The following THSD4 variants were observed in gnomAD, a reference collection of about 807,000 sequenced individuals.
THSD4 encodes the protein thrombospondin type 1 domain containing 4.
A neutral mutation model predicts 119.0 loss-of-function variants in THSD4; 69 were observed. The ratio of observed to expected loss-of-function variants is 0.58; its 90% confidence interval spans 0.48 to 0.71. The LOEUF (loss-of-function observed/expected upper bound fraction) is 0.71, where lower values mean the gene tolerates loss of function less well. Ranked by LOEUF, THSD4 falls within the 30% of genes least tolerant of loss-of-function variation. The probability of loss-of-function intolerance (pLI) is 0.00; values close to 1 mark genes in which losing one functional copy is unlikely to be tolerated. For synonymous variants in THSD4, 524 were observed against 540.4 expected (o/e 0.97, Z 0.42); for missense variants, 1,393 against 1,391.1 (o/e 1.00, Z -0.02).
intron 7 of THSD4, among the ~76,000 whole-genome samples, chr15:71,497,919 C>T (rs1449914289): frequency 6.6e-6 from 1 of 152,156 alleles, no homozygotes; most frequent in African/African-American, 2.4e-5. Flanking sequence ...ATATCATTTA[C>T]AGATAGAATG....
At chr15:71,436,296 A>G (rs1431369364) in intron 7 of THSD4, among the ~76,000 whole-genome samples, 1 of 152,220 alleles carries the variant, frequency 6.6e-6, no homozygotes, top group Non-Finnish European at 1.5e-5. Flanking sequence ...GACAAAGACG[A>G]AGGAAAAAAC....
chr15:71,508,386 T>A (rs2048225307), intron 7 of THSD4, among the ~76,000 whole-genome samples: 1 of 152,216 alleles, frequency 6.6e-6, no homozygotes, highest in Non-Finnish European at 1.5e-5. Context: ...AGTCATTAAA[T>A]GCAGAGGACT....
chr15:71,098,033 A>T (rs1385138806), intron 1 of THSD4, among the ~76,000 whole-genome samples: 1 of 151,998 alleles, frequency 6.6e-6, no homozygotes, highest in Admixed American at 6.6e-5. Flanking sequence ...CCAGACCCAC[A>T]ATAGGACACA....
intron 8 of THSD4, among the ~76,000 whole-genome samples, chr15:71,677,062 C>T (rs983751675): frequency 3.9e-5 from 6 of 152,296 alleles, no homozygotes; most frequent in Middle Eastern, 3.4e-3. Context: ...TTTTATCTTC[C>T]AACCAGAGTT....
chr15:71,250,190 G>T lies in THSD4; in HGVS notation c.913-6423G>T, dbSNP rs983390423. Among the ~76,000 whole-genome samples the T allele has an allele frequency of 2.6e-5, 4 of 152,146 alleles. 1 individual carries two copies. The highest frequency in any genetic ancestry group is 1.5e-5 in the Non-Finnish European group (1 of 68,034). ...TTACTGTCAACACCTCACACATGGA[G>T]CGCTGCAATGAATATTTGCCTTTGA... is the stretch of plus-strand genomic sequence containing the variant. On this transcript the variant is annotated intron_variant, in intron 5 of 17. Coordinates refer to ENST00000261862, the MANE Select transcript of THSD4 (RefSeq NM_024817.3).
intron 8 of THSD4, among the ~76,000 whole-genome samples, chr15:71,704,307 A>C (rs1475475710): frequency 6.6e-6 from 1 of 152,222 alleles, no homozygotes; most frequent in Non-Finnish European, 1.5e-5. Flanking sequence ...CCCAAATCTC[A>C]AATTGTAGCT....
intron 2 of THSD4, among the ~76,000 whole-genome samples, chr15:71,154,204 T>C (rs946953338): frequency 2.0e-5 from 3 of 152,198 alleles, no homozygotes; most frequent in Admixed American, 6.5e-5. Context: ...CTAGCCTGGC[T>C]CCATGCCCTC....
intron 5 of THSD4, among the ~76,000 whole-genome samples, chr15:71,255,323 G>A (rs1468579734): frequency 6.6e-6 from 1 of 152,068 alleles, no homozygotes; most frequent in Admixed American, 6.6e-5. Flanking sequence ...TCCACAATAT[G>A]AATTAGAGAT....
chr15:71,730,795 G>A (rs2052962473), intron 9 of THSD4: 1 of 318,232 alleles, frequency 3.1e-6, no homozygotes, highest in African/African-American at 2.1e-5. Flanking sequence ...TGTGTTGGAT[G>A]TTTCAAGAGC....
intron 7 of THSD4, among the ~76,000 whole-genome samples, chr15:71,559,593 G>A (rs1434955467): frequency 6.7e-6 from 1 of 148,974 alleles, no homozygotes; most frequent in East Asian, 2.0e-4. Flanking sequence ...AATGTTTATT[G>A]GGCAAGTAAT....
At chr15:71,349,446 C>T (rs2045715644) in intron 6 of THSD4, among the ~76,000 whole-genome samples, 1 of 152,120 alleles carries the variant, frequency 6.6e-6, no homozygotes, top group South Asian at 2.1e-4. Flanking sequence ...TGTCCATCTC[C>T]CCCTGCCCCT....
At chr15:71,394,078 A>ATATT (rs1555409463) in intron 6 of THSD4, among the ~76,000 whole-genome samples, 32 of 148,134 alleles carry the variant, frequency 2.2e-4, no homozygotes, top group African/African-American at 6.2e-4. Flanking sequence ...GATACACAAT[A>ATATT]TTTTTTTTTT....
At chr15:71,396,275 A>G (rs563064262) in intron 6 of THSD4, among the ~76,000 whole-genome samples, 2 of 151,290 alleles carry the variant, frequency 1.3e-5, no homozygotes, top group South Asian at 4.2e-4. Flanking sequence ...ATGTACACAC[A>G]TAAAACATGT....
Position 71,777,368 on chromosome 15 carries a change from C to G in THSD4, c.3051C>G (p.Ser1017Arg), listed in dbSNP as rs550244633. The change falls in exon 18 of 18, where the codon AGC (serine) becomes AGG (arginine). Residue 1017 changes from serine to arginine, a missense_variant. Transcript: ENST00000261862. ...ACAGGCAGACGGGCTTCCTGGGGAGCAGATAACACTCCTGCACCCCCATCA... is the reference window on the plus strand; with the variant it reads ...ACAGGCAGACGGGCTTCCTGGGGAGGAGATAACACTCCTGCACCCCCATCA... ...VANRQTGFLG[S>R]R 1 of 1,613,558 alleles carries G rather than the reference C, an allele frequency of 6.2e-7. No individual in the cohort carries two copies. The highest frequency in any genetic ancestry group is 2.2e-5 in the East Asian group (1 of 44,874).
At chr15:71,262,557 A>G (rs57858195) in intron 6 of THSD4, among the ~76,000 whole-genome samples, 3,634 of 152,236 alleles carry the variant, frequency 0.024, 157 homozygotes, top group African/African-American at 0.084. Context: ...GCTATAGGGC[A>G]TCAGATATCA....
Position 71,417,768 on chromosome 15 carries a change from C to T in THSD4, c.1152+5945C>T, listed in dbSNP as rs370706165. ...TTTTAAAATTGTGTTTTTCTATTTCCGTGAAGAATTTCATTGGTATTTTGA... is the reference window on the plus strand; with the variant it reads ...TTTTAAAATTGTGTTTTTCTATTTCTGTGAAGAATTTCATTGGTATTTTGA... On this transcript the variant is annotated intron_variant, in intron 7 of 17. Transcript: ENST00000261862. 2.3e-4 allele frequency among the ~76,000 whole-genome samples: 25 copies of T among 107,624 alleles called. 10 individuals carry two copies. The highest frequency in any genetic ancestry group is 1.2e-3 in the Admixed American group (10 of 8,356). 70.6% of individuals were successfully genotyped at this position (107,624 alleles called of 152,430 possible).
At chr15:71,622,967 C>T (rs1204774685) in intron 7 of THSD4, among the ~76,000 whole-genome samples, 1 of 151,836 alleles carries the variant, frequency 6.6e-6, no homozygotes, top group Non-Finnish European at 1.5e-5. Flanking sequence ...GAGCCATGTT[C>T]CAAGGACAAG....
chr15:71,289,382 C>T (rs2044761068), intron 6 of THSD4, among the ~76,000 whole-genome samples: 1 of 152,180 alleles, frequency 6.6e-6, no homozygotes, highest in Non-Finnish European at 1.5e-5. Context: ...GGCTCAGTTG[C>T]ACTGGACGCC....
In THSD4 at chr15:71,197,607, G is replaced by A. The variant is rs891561203; in HGVS notation, c.100-17428G>A. On this transcript the variant is annotated intron_variant, in intron 3 of 17. Coordinates refer to ENST00000261862, the MANE Select transcript of THSD4 (RefSeq NM_024817.3). Reference sequence around the variant, plus strand: ...CAGTGTGCTTCCTGGCAGATGAGAGGGTCCCCAGGCTGCTCCAAGGCTTAG... The same window carrying A: ...CAGTGTGCTTCCTGGCAGATGAGAGAGTCCCCAGGCTGCTCCAAGGCTTAG... 4.6e-5 allele frequency among the ~76,000 whole-genome samples: 7 copies of A among 152,082 alleles called. 1 individual carries two copies. Among genetic ancestry groups the A allele is most frequent in the Non-Finnish European group, 7.4e-5 (5 of 68,016 alleles).
Sources: allele counts gnomAD v4.1 joint callset (sites outside exome capture counted in the v4.1 genomes callset), GRCh38; gene constraint gnomAD v4.1.1; transcripts MANE v1.5; gene names NCBI Gene and HGNC (gene_info 2026-07-23, HGNC 2026-07-21).